The following CHST11 variants were observed in gnomAD, a reference collection of about 807,000 sequenced individuals.
The protein encoded by CHST11 is carbohydrate sulfotransferase 11.
CHST11 carries 9 observed loss-of-function variants against 30.4 expected under a neutral mutation model. That is an observed-to-expected ratio of 0.30 (90% confidence interval 0.18 to 0.52). CHST11 has a LOEUF of 0.52. CHST11 is among the 20% of genes least tolerant of loss of function. The probability of loss-of-function intolerance (pLI) is 0.97; values close to 1 mark genes in which losing one functional copy is unlikely to be tolerated. For synonymous variants in CHST11, 152 were observed against 187.8 expected (o/e 0.81, Z 1.56); for missense variants, 348 against 460.6 (o/e 0.76, Z 2.24).
At chr12:104,556,980 C>CAAAAAAAAAAA in intron 1 of CHST11, among the ~76,000 whole-genome samples, 1 of 77,216 alleles carries the variant, frequency 1.3e-5, no homozygotes. Flanking sequence ...GACTCTGTCT[C>CAAAAAAAAAAA]AAAAAAAAAA....
chr12:104,694,105 T>C (rs923765937), intron 2 of CHST11, among the ~76,000 whole-genome samples: 1 of 152,224 alleles, frequency 6.6e-6, no homozygotes, highest in Admixed American at 6.5e-5. Flanking sequence ...TTTGTGGTCT[T>C]ACCCAGCTTT....
intron 2 of CHST11, among the ~76,000 whole-genome samples, chr12:104,753,832 G>C (rs190153880): frequency 6.6e-6 from 1 of 152,162 alleles, no homozygotes; most frequent in African/African-American, 2.4e-5. Context: ...TACTGATTGC[G>C]TATCTACTGT....
At chr12:104,700,140 T>C in intron 2 of CHST11, among the ~76,000 whole-genome samples, 1 of 152,094 alleles carries the variant, frequency 6.6e-6, no homozygotes, top group African/African-American at 2.4e-5. Context: ...ACCCATCTGG[T>C]TTTTTTTAAA....
At chr12:104,470,023 G>A (rs972713857) in intron 1 of CHST11, among the ~76,000 whole-genome samples, 4 of 152,186 alleles carry the variant, frequency 2.6e-5, no homozygotes, top group Non-Finnish European at 5.9e-5. Flanking sequence ...TCCCCCATAG[G>A]GGACAGGTGG....
intron 1 of CHST11, among the ~76,000 whole-genome samples, chr12:104,475,356 G>GA (rs902791362): frequency 2.4e-4 from 36 of 147,056 alleles, no homozygotes; most frequent in Non-Finnish European, 3.2e-4. Context: ...GGGTGGCTAG[G>GA]AAAAAAAAAA....
chr12:104,640,349 G>A (rs532279913), intron 2 of CHST11, among the ~76,000 whole-genome samples: 1 of 152,220 alleles, frequency 6.6e-6, no homozygotes, highest in African/African-American at 2.4e-5. Context: ...ACAGGTGAAG[G>A]GATAAACACA....
At chr12:104,465,170 G>A (rs1176231237) in intron 1 of CHST11, among the ~76,000 whole-genome samples, 1 of 152,148 alleles carries the variant, frequency 6.6e-6, no homozygotes, top group South Asian at 2.1e-4. Context: ...ATGAAAAATG[G>A]CATTCCTCCA....
At chr12:104,646,360 C>T (rs1302753533) in intron 2 of CHST11, among the ~76,000 whole-genome samples, 1 of 152,168 alleles carries the variant, frequency 6.6e-6, no homozygotes, top group Non-Finnish European at 1.5e-5. Context: ...ATGTTGCTTT[C>T]TCAGGGTACC....
intron 2 of CHST11, among the ~76,000 whole-genome samples, chr12:104,709,916 G>A (rs563028851): frequency 1.3e-5 from 2 of 152,224 alleles, no homozygotes; most frequent in African/African-American, 2.4e-5. Context: ...AAAACTTTCA[G>A]CTGGGCATGG....
rs532203870 is a variant in CHST11 at position 104,729,590 on chromosome 12, G to C, written c.205-27359G>C. On this transcript the variant is annotated intron_variant, in intron 2 of 2. Coordinates refer to ENST00000303694, the MANE Select transcript of CHST11 (RefSeq NM_018413.6). The surrounding 1 kb of genome is among the most constrained non-coding windows in gnomAD (Gnocchi z 4.0). ...CAGTATCAGGGCAGGAACATGGAAGGATGGCTGTCATAGGTGCCATGAGTG... is the reference window on the plus strand; with the variant it reads ...CAGTATCAGGGCAGGAACATGGAAGCATGGCTGTCATAGGTGCCATGAGTG... 1.3e-5 allele frequency among the ~76,000 whole-genome samples: 2 copies of C among 152,158 alleles called. No individual in the cohort carries two copies. Among genetic ancestry groups the C allele is most frequent in the Non-Finnish European group, 2.9e-5 (2 of 68,030 alleles).
intron 2 of CHST11, 118 bp from the exon 3 acceptor site, chr12:104,756,831 G>A: frequency 8.2e-7 from 1 of 1,220,814 alleles, no homozygotes. Context: ...AAAGGCATGA[G>A]CCACTGCACC....
chr12:104,754,905 A>G (rs1380499019), intron 2 of CHST11, among the ~76,000 whole-genome samples: 1 of 152,180 alleles, frequency 6.6e-6, no homozygotes, highest in African/African-American at 2.4e-5. Context: ...ATTAAACATA[A>G]TGTATTTAAA....
intron 1 of CHST11, among the ~76,000 whole-genome samples, chr12:104,509,073 T>C (rs1240575078): frequency 2.0e-5 from 3 of 152,122 alleles, no homozygotes; most frequent in Non-Finnish European, 4.4e-5. Flanking sequence ...AGTAGTAACA[T>C]TTTCCCCACC....
chr12:104,500,870 G>GT (rs2037847102), intron 1 of CHST11, among the ~76,000 whole-genome samples: 1 of 152,172 alleles, frequency 6.6e-6, no homozygotes. Flanking sequence ...AGTAAGTCTG[G>GT]TGACGTTAGG....
At chr12:104,480,577 CAAAAAA>C (rs58063092) in intron 1 of CHST11, among the ~76,000 whole-genome samples, 2 of 112,688 alleles carry the variant, frequency 1.8e-5, no homozygotes, top group Non-Finnish European at 1.8e-5. Flanking sequence ...GATTCCATCT[CAAAAAA>C]AAAAAAAAAA....
At chr12:104,687,724 A>G (rs1008741108) in intron 2 of CHST11, among the ~76,000 whole-genome samples, 5 of 152,174 alleles carry the variant, frequency 3.3e-5, no homozygotes, top group Non-Finnish European at 5.9e-5. Context: ...ATTCTTTTTT[A>G]AAGAAATGGC....
intron 2 of CHST11, among the ~76,000 whole-genome samples, chr12:104,725,493 T>C (rs1371440142): frequency 6.6e-6 from 1 of 152,048 alleles, no homozygotes; most frequent in African/African-American, 2.4e-5. Flanking sequence ...AAAGTGTACA[T>C]GATACCTCAA....
At chr12:104,661,198 A>G (rs1401840912) in intron 2 of CHST11, among the ~76,000 whole-genome samples, 1 of 152,174 alleles carries the variant, frequency 6.6e-6, no homozygotes, top group Non-Finnish European at 1.5e-5. Flanking sequence ...CTCTTGCCTC[A>G]TTTGTCAGTG....
In CHST11 at chr12:104,515,125, G is replaced by GA. The variant is rs374866702; in HGVS notation, c.118+57605dup. On this transcript the variant is annotated intron_variant, in intron 1 of 2. Transcript: ENST00000303694. ...TGTTTTTACATCTTAAAATGGTTGGGAAAAAAAAATCAAAAGAAGAACAAT... is the reference window on the plus strand; with the variant it reads ...TGTTTTTACATCTTAAAATGGTTGGGAAAAAAAAAATCAAAAGAAGAACAAT... Among the ~76,000 whole-genome samples, 149 of 150,970 alleles carry GA rather than the reference G, an allele frequency of 9.9e-4. 1 individual carries two copies. Among genetic ancestry groups the GA allele is most frequent in the African/African-American group, 3.0e-3 (125 of 41,184 alleles).
Sources: allele counts gnomAD v4.1 joint callset (sites outside exome capture counted in the v4.1 genomes callset), GRCh38; gene constraint gnomAD v4.1.1; non-coding constraint Gnocchi (gnomAD v3.1); transcripts MANE v1.5; gene names NCBI Gene and HGNC (gene_info 2026-07-23, HGNC 2026-07-21).